ITGA1: variants seen among roughly 807,000 people sequenced by gnomAD.
ITGA1 encodes the protein integrin alpha-1.
ITGA1 carries 85 observed loss-of-function variants against 145.9 expected under a neutral mutation model. The ratio of observed to expected loss-of-function variants is 0.58; its 90% CI spans 0.49 to 0.70. The LOEUF (loss-of-function observed/expected upper bound fraction) is 0.70, where lower values mean the gene tolerates loss of function less well. ITGA1 is among the 30% of genes least tolerant of loss of function. ITGA1 has a pLI of 0.00. For missense variants in ITGA1, 1,351 were observed against 1,418.7 expected (o/e 0.95, Z 0.77); for synonymous variants, 520 against 495.3 (o/e 1.05, Z -0.66).
intron 12 of ITGA1, among the ~76,000 whole-genome samples, chr5:52,907,367 A>T (rs866111909): frequency 5.3e-5 from 8 of 152,216 alleles, no homozygotes; most frequent in South Asian, 4.1e-4. Flanking sequence ...TATCAATAAT[A>T]GGAAGTTGAC....
At chr5:52,947,676 A>G (rs2216568) in intron 28 of ITGA1, among the ~76,000 whole-genome samples, 111,012 of 152,082 alleles carry the variant, frequency 0.73, 40,682 homozygotes, top group Middle Eastern at 0.81. Context: ...AACTTATTTT[A>G]AGTTAGAAAT....
chr5:52,877,176 T>C (rs1749879987), intron 6 of ITGA1, among the ~76,000 whole-genome samples: 1 of 151,604 alleles, frequency 6.6e-6, no homozygotes, highest in Non-Finnish European at 1.5e-5. Flanking sequence ...CAATGGAGAG[T>C]TATTGGAGGT....
intron 11 of ITGA1, 89 bp downstream of exon 11, chr5:52,898,472 A>G: frequency 8.6e-7 from 1 of 1,157,676 alleles, no homozygotes; most frequent in Non-Finnish European, 1.2e-6. Context: ...ATAGGCTTGC[A>G]ACCATATAGC....
At chr5:52,893,583 TCTA>T (rs1750182888) in intron 8 of ITGA1, 89 bp from the exon 9 acceptor site, 2 of 1,170,136 alleles carry the variant, frequency 1.7e-6, no homozygotes, top group Admixed American at 4.5e-5. Flanking sequence ...GCTAAGGTAC[TCTA>T]CACTGTTGTT....
rs1748546735 is a variant in ITGA1 at position 52,804,244 on chromosome 5, T to G, written c.61+15830T>G. ...ATGTGATAAAAACTCTATCGATAACTCCAATGTACCTTCTCTAATGTACTG... is the reference window on the plus strand; with the variant it reads ...ATGTGATAAAAACTCTATCGATAACGCCAATGTACCTTCTCTAATGTACTG... On this transcript the variant is annotated intron_variant, in intron 1 of 28. Coordinates refer to ENST00000282588, the MANE Select transcript of ITGA1 (RefSeq NM_181501.2). Among the ~76,000 whole-genome samples, 4 of 152,200 alleles carry G rather than the reference T, an allele frequency of 2.6e-5. No homozygotes were observed. In the South Asian group the frequency reaches 8.3e-4, roughly 31 times the overall value.
chr5:52,839,896 C>G (rs1455287323), intron 1 of ITGA1, among the ~76,000 whole-genome samples: 1 of 47,764 alleles, frequency 2.1e-5, no homozygotes, highest in African/African-American at 1.1e-4. Context: ...TCCTGTTTCA[C>G]CCTCATGCTT....
Position 52,952,584 on chromosome 5 carries a change from G to A in ITGA1, c.*133G>A. ...GTAATCCATCAGGGATTCATTACTT[G>A]GAAAATGACAGGTCATGCATTATCC... On this transcript the variant is annotated 3_prime_UTR_variant, in exon 29 of 29. Coordinates refer to ENST00000282588, the MANE Select transcript of ITGA1 (RefSeq NM_181501.2). The A allele has an allele frequency of 2.5e-6, 1 of 398,724 alleles. No homozygotes were observed. Among genetic ancestry groups the A allele is most frequent in the Non-Finnish European group, 4.6e-6 (1 of 215,694 alleles). 24.7% of individuals were successfully genotyped at this position (398,724 alleles called of 1,614,324 possible). A position where few individuals can be genotyped will look rare whatever the true frequency, so the allele number is the denominator to read the frequency against.
At chr5:52,905,123 G>A (rs1360760885) in intron 11 of ITGA1, 1 of 152,142 alleles carries the variant, frequency 6.6e-6, no homozygotes, top group Admixed American at 6.6e-5. Flanking sequence ...TTAAAAACGT[G>A]ATCCAGTGAT....
At chr5:52,862,997 A>G (rs940960022) in intron 3 of ITGA1, among the ~76,000 whole-genome samples, 9 of 152,006 alleles carry the variant, frequency 5.9e-5, no homozygotes, top group Non-Finnish European at 1.0e-4. Context: ...ATCACTTTCC[A>G]TTTATTACCT....
At chr5:52,923,348 T>C (rs1314505348) in intron 18 of ITGA1, among the ~76,000 whole-genome samples, 3 of 152,076 alleles carry the variant, frequency 2.0e-5, no homozygotes, top group Non-Finnish European at 4.4e-5. Context: ...CTTCCTCTGG[T>C]AATTGGCAAA....
chr5:52,831,614 A>T (rs1175075371), intron 1 of ITGA1, among the ~76,000 whole-genome samples: 1 of 151,904 alleles, frequency 6.6e-6, no homozygotes, highest in Non-Finnish European at 1.5e-5. Context: ...GCTCCTAAGA[A>T]TTTTTTCTTT....
At chr5:52,937,543 C>A (rs2111897016) in intron 24 of ITGA1, 29 bp downstream of exon 24, 2 of 1,286,034 alleles carry the variant, frequency 1.6e-6, no homozygotes, top group Non-Finnish European at 1.1e-6. Flanking sequence ...GGAATTATGT[C>A]ATTACTGTTA....
At chr5:52,818,549 TG>T (rs1179351040) in intron 1 of ITGA1, among the ~76,000 whole-genome samples, 4 of 152,224 alleles carry the variant, frequency 2.6e-5, no homozygotes, top group African/African-American at 7.2e-5. Context: ...TCAGTGGTTT[TG>T]TAACTATTTC....
At chr5:52,918,703 G>T in intron 15 of ITGA1, 29 bp from the exon 16 acceptor site, 1 of 1,586,858 alleles carries the variant, frequency 6.3e-7, no homozygotes, top group Non-Finnish European at 8.5e-7. Context: ...GTAAAAATGT[G>T]TGAGTAATCC....
intron 1 of ITGA1, among the ~76,000 whole-genome samples, chr5:52,826,856 C>T (rs1748974696): frequency 6.6e-6 from 1 of 152,112 alleles, no homozygotes; most frequent in Non-Finnish European, 1.5e-5. Flanking sequence ...ACCCAGTCAC[C>T]CAAGAGCTCC....
intron 6 of ITGA1, among the ~76,000 whole-genome samples, chr5:52,868,999 G>A (rs996295233): frequency 2.0e-5 from 3 of 152,170 alleles, no homozygotes; most frequent in South Asian, 4.1e-4. Flanking sequence ...TGCCTTAATG[G>A]TGCTTCTGTC....
At chr5:52,844,657 T>C (rs965124505) in intron 1 of ITGA1, among the ~76,000 whole-genome samples, 4 of 152,132 alleles carry the variant, frequency 2.6e-5, no homozygotes, top group Non-Finnish European at 5.9e-5. Context: ...AGGGGAAAAA[T>C]TACTGGTTTT....
At position 52,834,517 on chromosome 5, in the gene ITGA1, G is replaced by A. The variant is rs562570095; in HGVS notation, c.62-14848G>A. The stretch of plus-strand genomic sequence containing the variant: ...GGAAGGAAGGAAAAAGAGAGAGAAA[G>A]AAGAAAGGGAGAGGAAGAAAGAGAA... On this transcript the variant is annotated intron_variant, in intron 1 of 28. Coordinates refer to ENST00000282588, the MANE Select transcript of ITGA1 (RefSeq NM_181501.2). Among the ~76,000 whole-genome samples, 12 of 144,918 alleles carry A rather than the reference G, an allele frequency of 8.3e-5. No homozygotes were observed. In the South Asian group the frequency reaches 2.7e-3, roughly 32 times the overall value.
At chr5:52,850,774 G>C (rs1242806660) in intron 2 of ITGA1, among the ~76,000 whole-genome samples, 1 of 152,040 alleles carries the variant, frequency 6.6e-6, no homozygotes, top group Non-Finnish European at 1.5e-5. Context: ...AATGCTACAT[G>C]CTAAATTTTT....
Sources: gnomAD v4.1 joint callset for allele counts (sites outside exome capture counted in the v4.1 genomes callset) on GRCh38, gnomAD v4.1.1 for gene constraint, MANE v1.5 for transcripts, NCBI Gene and HGNC (gene_info 2026-07-23, HGNC 2026-07-21) for gene names.